Variants in PALM2AKAP2 observed in about 807,000 individuals in gnomAD.
PALM2AKAP2 encodes PALM2 and AKAP2 fusion.
In PALM2AKAP2, 37 loss-of-function variants were observed where a neutral mutation model predicts 71.5. The ratio of observed to expected loss-of-function variants is 0.52; its 90% CI spans 0.40 to 0.68. The LOEUF (loss-of-function observed/expected upper bound fraction) is 0.68, where lower values mean the gene tolerates loss of function less well. PALM2AKAP2 is among the 30% of genes least tolerant of loss of function. The probability of loss-of-function intolerance (pLI) is 0.00; values close to 1 mark genes in which losing one functional copy is unlikely to be tolerated. For synonymous variants in PALM2AKAP2, 468 were observed against 478.8 expected (o/e 0.98, Z 0.29); for missense variants, 1,224 against 1,191.8 (o/e 1.03, Z -0.40).
At chr9:110,064,698 C>A (rs1299817468) in intron 1 of PALM2AKAP2, among the ~76,000 whole-genome samples, 1 of 152,212 alleles carries the variant, frequency 6.6e-6, no homozygotes, top group Non-Finnish European at 1.5e-5. Context: ...TCGCAGGAAT[C>A]CCAAGCTGTC....
rs538939592 is a variant in PALM2AKAP2 at position 109,931,864 on chromosome 9, G to A, written c.395-63G>A. On this transcript the variant is annotated intron_variant, in intron 5 of 9. Transcript: ENST00000302798. Reference sequence around the variant, plus strand: ...GTAGGGCAGACAAGCTGCTGTCTCGGCAGTGAACCCATTGGGCCTCCCAAC... The same window carrying A: ...GTAGGGCAGACAAGCTGCTGTCTCGACAGTGAACCCATTGGGCCTCCCAAC... The A allele has an allele frequency of 1.2e-5, 19 of 1,565,988 alleles. No individual in the cohort carries two copies. In the South Asian group the frequency reaches 1.9e-4, roughly 16 times the overall value.
intron 6 of PALM2AKAP2, among the ~76,000 whole-genome samples, chr9:110,012,955 A>C (rs780075938): frequency 3.3e-5 from 5 of 152,260 alleles, no homozygotes; most frequent in Non-Finnish European, 5.9e-5. Flanking sequence ...AATGATTTTC[A>C]TTTATAATTT....
intron 1 of PALM2AKAP2, among the ~76,000 whole-genome samples, chr9:109,851,020 A>G (rs1410213277): frequency 6.6e-6 from 1 of 152,100 alleles, no homozygotes; most frequent in Admixed American, 6.5e-5. Flanking sequence ...TACTGAAAAT[A>G]CAAAAAATTA....
intron 3 of PALM2AKAP2, among the ~76,000 whole-genome samples, chr9:109,921,294 G>T (rs1055034016): frequency 6.6e-6 from 1 of 152,128 alleles, no homozygotes; most frequent in Non-Finnish European, 1.5e-5. Flanking sequence ...TCTAGTAGGG[G>T]AAATTAATAA....
intron 1 of PALM2AKAP2, among the ~76,000 whole-genome samples, chr9:109,641,492 G>A: frequency 6.6e-6 from 1 of 152,220 alleles, no homozygotes; most frequent in East Asian, 1.9e-4. Flanking sequence ...ATGGATGGGT[G>A]GGGAAGACAA....
chr9:110,125,745 C>A, intron 1 of PALM2AKAP2: 1 of 289,192 alleles, frequency 3.5e-6, no homozygotes, highest in Non-Finnish European at 5.1e-6. Context: ...GAGTAGGCAG[C>A]CGAGCTCAGA....
At chr9:109,982,601 A>G (rs1343338962) in intron 6 of PALM2AKAP2, among the ~76,000 whole-genome samples, 1 of 152,180 alleles carries the variant, frequency 6.6e-6, no homozygotes, top group African/African-American at 2.4e-5. Context: ...CCTACAGTGT[A>G]CCCACAAAAA....
intron 7 of PALM2AKAP2, among the ~76,000 whole-genome samples, chr9:110,022,482 G>C (rs560470576): frequency 1.3e-5 from 2 of 151,852 alleles, no homozygotes; most frequent in African/African-American, 4.8e-5. Flanking sequence ...TGATCTTCCT[G>C]CTCTCCCTCT....
intron 1 of PALM2AKAP2, among the ~76,000 whole-genome samples, chr9:110,114,739 G>T (rs1446304652): frequency 2.6e-5 from 4 of 152,098 alleles, no homozygotes; most frequent in African/African-American, 9.7e-5. Context: ...GTCTCTGGAG[G>T]GTAAACAGGA....
intron 1 of PALM2AKAP2, among the ~76,000 whole-genome samples, chr9:109,666,025 C>T (rs148861452): frequency 5.7e-4 from 87 of 152,336 alleles, no homozygotes; most frequent in African/African-American, 1.7e-3. Flanking sequence ...CCTTGTCTGC[C>T]GGTTGCTAAG....
Position 110,136,830 on chromosome 9 carries a change from A to G in PALM2AKAP2, c.860A>G (p.Glu287Gly), listed in dbSNP as rs370410739. The G allele has an allele frequency of 6.2e-7, 1 of 1,614,104 alleles. No individual in the cohort carries two copies. Among genetic ancestry groups the G allele is most frequent in the African/African-American group, 1.3e-5 (1 of 74,944 alleles). ...CCCTCCAAGCTCTTTGAGGATGACG[A>G]GCATGAGAAAGAACAATACTGCATT... Residue 287 changes from glutamate to glycine, a missense_variant, in exon 2 of 4, where the codon GAG (glutamate) becomes GGG (glycine). Glu to Gly is a moderately conservative substitution (Grantham distance 98). Coordinates refer to ENST00000374525, the Ensembl canonical transcript of PALM2AKAP2.
At chr9:110,061,583 C>T (rs1833965614) in intron 1 of PALM2AKAP2, among the ~76,000 whole-genome samples, 1 of 149,372 alleles carries the variant, frequency 6.7e-6, no homozygotes, top group South Asian at 2.1e-4. Flanking sequence ...CCCGTAACAA[C>T]CTTTGATAGA....
intron 3 of PALM2AKAP2, among the ~76,000 whole-genome samples, chr9:110,167,575 G>A (rs939009664): frequency 3.3e-5 from 5 of 152,206 alleles, no homozygotes; most frequent in African/African-American, 1.2e-4. Flanking sequence ...CTCTCCCTCA[G>A]TGGTGGTGAG....
intron 7 of PALM2AKAP2, among the ~76,000 whole-genome samples, chr9:110,033,447 T>G (rs1833322426): frequency 6.6e-6 from 1 of 152,366 alleles, no homozygotes; most frequent in East Asian, 1.9e-4. Context: ...CAGTGTTTAC[T>G]GTGGGCTAGG....
intron 2 of PALM2AKAP2, among the ~76,000 whole-genome samples, chr9:109,868,160 C>T (rs923365360): frequency 9.9e-5 from 15 of 152,178 alleles, no homozygotes; most frequent in African/African-American, 1.4e-4. Context: ...TTGACTCAGA[C>T]GGGTCTCCAT....
intron 1 of PALM2AKAP2, among the ~76,000 whole-genome samples, chr9:110,049,432 G>A (rs1417610249): frequency 6.6e-6 from 1 of 152,226 alleles, no homozygotes; most frequent in East Asian, 1.9e-4. Context: ...AGGGTCCAGG[G>A]AGCTGAACTC....
chr9:109,923,873 T>C (rs754785388), intron 4 of PALM2AKAP2, 24 bp downstream of exon 4: 1 of 1,549,220 alleles, frequency 6.5e-7, no homozygotes, highest in Admixed American at 2.1e-5. Flanking sequence ...AAACGATTTC[T>C]CAAAGTTATT....
At chr9:109,728,571 C>T (rs972268298) in intron 1 of PALM2AKAP2, among the ~76,000 whole-genome samples, 7 of 152,208 alleles carry the variant, frequency 4.6e-5, no homozygotes, top group African/African-American at 1.7e-4. Flanking sequence ...CAGTCCCAAC[C>T]CTTTTCACTT....
chr9:109,939,804 C>T (rs899035571), intron 6 of PALM2AKAP2, among the ~76,000 whole-genome samples: 5 of 152,224 alleles, frequency 3.3e-5, no homozygotes, highest in African/African-American at 1.2e-4. Flanking sequence ...ACCTCTATGA[C>T]AAATGCTGGT....
Sources: gnomAD v4.1 joint callset for allele counts (sites outside exome capture counted in the v4.1 genomes callset) on GRCh38, gnomAD v4.1.1 for gene constraint, MANE v1.5 for transcripts, NCBI Gene and HGNC (gene_info 2026-07-23, HGNC 2026-07-21) for gene names.